MGAM: variants seen among roughly 807,000 people sequenced by gnomAD.
The protein encoded by MGAM is maltase-glucoamylase.
Under a neutral mutation model 358.8 loss-of-function variants are expected in MGAM, and 253 were observed. That is an observed-to-expected ratio of 0.71 (90% CI 0.64 to 0.78). MGAM has a LOEUF of 0.78. MGAM is among the 30% of genes least tolerant of loss of function. MGAM has a pLI of 0.00. For missense variants in MGAM, 3,080 were observed against 3,432.6 expected, an observed-to-expected ratio of 0.90 and a Z score of 2.57; for synonymous variants, 1,105 against 1,227.1, an observed-to-expected ratio of 0.90 and a Z score of 2.08.
rs1251985936 is a variant in MGAM, at chr7:142,040,758, A to T, written c.2410A>T (p.Met804Leu). The change falls in exon 21 of 71, where the codon ATG becomes TTG. Residue 804 changes from methionine (M) to leucine (L), a missense_variant. Coordinates refer to ENST00000475668, the MANE Select transcript of MGAM (RefSeq NM_001365693.1). ...GAGATGGAGGAAGCAAAAAGTCGAG[A>T]TGGAACTTCCTGGAGACAAAATTGG... The part of the protein sequence containing the change: ...QVRWRKQKVE[M>L]ELPGDKIGLH... The T allele has an allele frequency of 2.5e-6, 4 of 1,613,238 alleles. No homozygotes were observed. The highest frequency in any genetic ancestry group is 3.4e-6 in the Non-Finnish European group (4 of 1,179,556).
intron 21 of MGAM, among the ~76,000 whole-genome samples, chr7:142,043,041 A>T (rs1441229828): frequency 1.1e-5 from 1 of 93,724 alleles, no homozygotes; most frequent in Non-Finnish European, 1.8e-5. Flanking sequence ...ATAATATCTA[A>T]ATATAATATC....
chr7:141,997,584 T>G (rs1804355145), intron 1 of MGAM, among the ~76,000 whole-genome samples: 1 of 152,136 alleles, frequency 6.6e-6, no homozygotes, highest in Non-Finnish European at 1.5e-5. Flanking sequence ...CTGTGGAATG[T>G]GATGAGAAAT....
chr7:142,031,564 T>G lies in MGAM; in HGVS notation c.1471-116T>G. The G allele has an allele frequency of 4.6e-6, 3 of 645,508 alleles. No individual in the cohort carries two copies. In the Admixed American group the frequency reaches 9.5e-5, roughly 20 times the overall value. 40.0% of individuals were successfully genotyped at this position (645,508 alleles called of 1,614,324 possible). A position where few individuals can be genotyped will look rare whatever the true frequency, so the allele number is the denominator to read the frequency against. On this transcript the variant is annotated intron_variant, in intron 12 of 70. Transcript: ENST00000475668. ...CGCACCTTCTTAACTAAAAAGGATA[T>G]GTTCCTGGGTACCTCGGTTGCTGTG...
At chr7:142,059,712 AG>A in intron 32 of MGAM, 112 bp downstream of exon 32, 1 of 1,578,752 alleles carries the variant, frequency 6.3e-7, no homozygotes, top group Non-Finnish European at 8.6e-7. Flanking sequence ...AAGTGCAGTA[AG>A]AAAGGTGTAT....
chr7:142,080,067 CT>C (rs1287164507), intron 49 of MGAM, among the ~76,000 whole-genome samples: 1 of 146,662 alleles, frequency 6.8e-6, no homozygotes, highest in Non-Finnish European at 1.5e-5. Flanking sequence ...ACCAGAATGA[CT>C]TGATCTCTTT....
intron 34 of MGAM, among the ~76,000 whole-genome samples, chr7:142,062,085 C>T (rs924277686): frequency 4.6e-5 from 7 of 152,224 alleles, no homozygotes; most frequent in Non-Finnish European, 7.3e-5. Flanking sequence ...GTAGAAAACA[C>T]TGAGGCGTAC....
At chr7:142,061,863 A>G (rs1022790658) in intron 34 of MGAM, among the ~76,000 whole-genome samples, 1 of 152,228 alleles carries the variant, frequency 6.6e-6, no homozygotes, top group African/African-American at 2.4e-5. Context: ...CAATATAAAT[A>G]TCACTCAGAA....
chr7:142,024,004 C>T (rs1199579141), intron 7 of MGAM, among the ~76,000 whole-genome samples: 25 of 152,176 alleles, frequency 1.6e-4, no homozygotes, highest in African/African-American at 6.0e-4. Flanking sequence ...GAGGCCAAGG[C>T]GTGTGGATCA....
At chr7:142,056,464 C>T (rs895464160) in intron 29 of MGAM, among the ~76,000 whole-genome samples, 19 of 152,250 alleles carry the variant, frequency 1.2e-4, no homozygotes, top group African/African-American at 2.9e-4. Flanking sequence ...AATTACCTAT[C>T]GGGTACTCTG....
chr7:142,045,599 A>G (rs1213438416), intron 21 of MGAM, among the ~76,000 whole-genome samples: 1 of 108,132 alleles, frequency 9.2e-6, no homozygotes, highest in Non-Finnish European at 1.7e-5. Flanking sequence ...CAATATATGA[A>G]TATATAATAT....
chr7:141,990,561 G>T (rs1361066504), intron 2 of MGAM, among the ~76,000 whole-genome samples: 2 of 152,080 alleles, frequency 1.3e-5, no homozygotes, highest in Non-Finnish European at 2.9e-5. Flanking sequence ...CTGCATTGTG[G>T]CTCCAGTGTA....
intron 7 of MGAM, among the ~76,000 whole-genome samples, chr7:142,024,371 A>T (rs1378812475): frequency 2.0e-5 from 3 of 151,734 alleles, no homozygotes; most frequent in East Asian, 3.9e-4. Flanking sequence ...CCAAGATCAC[A>T]CTACTGCACT....
intron 63 of MGAM, 89 bp from the exon 64 acceptor site, chr7:142,095,476 T>C (rs1476233411): frequency 6.4e-7 from 1 of 1,567,968 alleles, no homozygotes; most frequent in African/African-American, 1.4e-5. Context: ...CTGTGAGTGA[T>C]CTTCAATTGG....
Position 142,034,388 on chromosome 7 carries a change from AC to A in MGAM, c.1787+10del. On this transcript the variant is annotated intron_variant, in intron 15 of 70. Coordinates refer to ENST00000475668, the MANE Select transcript of MGAM (RefSeq NM_001365693.1). The stretch of plus-strand genomic sequence containing the variant: ...GCGGTCGCCACAGCAGAGTAAGGCC[AC>A]TATGGCTATGACCTGCTAATTATTG... The A allele has an allele frequency of 6.6e-7, 1 of 1,511,140 alleles. No individual in the cohort carries two copies. Among genetic ancestry groups the A allele is most frequent in the Non-Finnish European group, 9.0e-7 (1 of 1,106,162 alleles). 93.6% of individuals were successfully genotyped at this position (1,511,140 alleles called of 1,614,324 possible). A position where few individuals can be genotyped will look rare whatever the true frequency, so the allele number is the denominator to read the frequency against.
chr7:142,051,759 A>G (rs1008674896), intron 24 of MGAM, among the ~76,000 whole-genome samples: 13 of 152,180 alleles, frequency 8.5e-5, no homozygotes, highest in Admixed American at 2.6e-4. Context: ...CTGAATCAAC[A>G]TATTTCATAT....
intron 45 of MGAM, 101 bp from the exon 46 acceptor site, chr7:142,076,102 C>A: frequency 1.1e-6 from 1 of 901,124 alleles, no homozygotes; most frequent in Non-Finnish European, 1.8e-6. Context: ...GAAATACTGC[C>A]ATTTGTGACA....
In MGAM at chr7:142,036,935, C is replaced by T. The variant is rs1300952698; in HGVS notation, c.2189C>T (p.Ala730Val). 6 of 1,613,604 alleles carry T rather than the reference C, an allele frequency of 3.7e-6. No individual in the cohort carries two copies. Among genetic ancestry groups the T allele is most frequent in the Non-Finnish European group, 5.1e-6 (6 of 1,179,668 alleles). The change falls in exon 18 of 71, where the codon GCT becomes GTT. Residue 730 changes from alanine (A) to valine (V), a missense_variant. Transcript: ENST00000475668. ...TACCTATACACCCTCTTCTTCCGTG[C>T]TCACAGCCGAGGGGACACGGTGGCC... ...LPYLYTLFFR[A>V]HSRGDTVARP...
chr7:142,041,825 A>T (rs1202074681), intron 21 of MGAM, among the ~76,000 whole-genome samples: 4 of 135,956 alleles, frequency 2.9e-5, no homozygotes, highest in African/African-American at 8.3e-5. Flanking sequence ...ATCTTCCAGC[A>T]GAGGAAGCAC....
rs573616484 is a variant in MGAM, at chr7:142,078,492, A to G, written c.5646+22A>G. 114 of 1,525,128 alleles carry G rather than the reference A, an allele frequency of 7.5e-5. 3 individuals are homozygous for G. In the African/African-American group the frequency reaches 7.9e-4, roughly 11 times the overall value. 94.5% of individuals were successfully genotyped at this position (1,525,128 alleles called of 1,614,324 possible). A position where few individuals can be genotyped will look rare whatever the true frequency, so the allele number is the denominator to read the frequency against. ...GGAGGTAACCATGCTGATGGGGTTC[A>G]TGTGCATGAAAATCTCCACACCTAA... On this transcript the variant is annotated intron_variant, in intron 48 of 70. Transcript: ENST00000475668.
Sources: allele counts gnomAD v4.1 joint callset (sites outside exome capture counted in the v4.1 genomes callset), GRCh38; gene constraint gnomAD v4.1.1; transcripts MANE v1.5; gene names NCBI Gene and HGNC (gene_info 2026-07-23, HGNC 2026-07-21).